The following CALN1 variants were observed in gnomAD, a reference collection of about 807,000 sequenced individuals.
The protein encoded by CALN1 is calcium-binding protein 8.
Under a neutral mutation model 30.6 loss-of-function variants are expected in CALN1, and 17 were observed. The observed-to-expected ratio is 0.56, with a 90% CI of 0.38 to 0.83. CALN1 has a LOEUF of 0.83. Among genes scored for constraint, CALN1 ranks in the 40% least tolerant of loss-of-function variants. The probability of loss-of-function intolerance (pLI) is 0.00; values close to 1 mark genes in which losing one functional copy is unlikely to be tolerated. For synonymous variants in CALN1, 156 were observed against 131.4 expected (o/e 1.19, Z -1.28); for missense variants, 291 against 354.9 (o/e 0.82, Z 1.45).
intron 5 of CALN1, among the ~76,000 whole-genome samples, chr7:71,903,066 AAG>A (rs1354609870): frequency 6.6e-5 from 10 of 151,968 alleles, no homozygotes; most frequent in Admixed American, 3.3e-4. Flanking sequence ...TTTTTAAAAA[AAG>A]TAAAAAAATT....
chr7:72,367,838 A>C (rs1218335785), intron 2 of CALN1, among the ~76,000 whole-genome samples: 2 of 152,016 alleles, frequency 1.3e-5, no homozygotes, highest in East Asian at 3.9e-4. Context: ...TTGTCTGTTA[A>C]AAATATATAT....
chr7:71,928,700 T>C (rs1177001658), intron 5 of CALN1, among the ~76,000 whole-genome samples: 1 of 152,056 alleles, frequency 6.6e-6, no homozygotes, highest in East Asian at 1.9e-4. Context: ...AACAACAGAT[T>C]CTACAACTGA....
At chr7:71,958,739 A>C (rs1460231900) in intron 5 of CALN1, among the ~76,000 whole-genome samples, 2 of 152,214 alleles carry the variant, frequency 1.3e-5, no homozygotes, top group East Asian at 1.9e-4. Flanking sequence ...GGTGCTAGCC[A>C]CATTATGTGG....
At chr7:71,927,063 T>C (rs998341848) in intron 5 of CALN1, among the ~76,000 whole-genome samples, 2 of 152,220 alleles carry the variant, frequency 1.3e-5, no homozygotes, top group Non-Finnish European at 2.9e-5. Context: ...TTATTGCACA[T>C]GAACACTGTG....
intron 5 of CALN1, among the ~76,000 whole-genome samples, chr7:71,940,818 G>T (rs1345893885): frequency 6.6e-6 from 1 of 151,976 alleles, no homozygotes; most frequent in Non-Finnish European, 1.5e-5. Context: ...TTGCCATGGT[G>T]CCCAGGCTGA....
intron 3 of CALN1, among the ~76,000 whole-genome samples, chr7:72,149,794 G>A (rs781413520): frequency 3.9e-5 from 6 of 152,042 alleles, no homozygotes. Flanking sequence ...GAAAGGACCT[G>A]GTCACTAACA....
intron 1 of CALN1, among the ~76,000 whole-genome samples, chr7:72,430,749 G>A (rs1807947145): frequency 1.3e-5 from 2 of 152,100 alleles, no homozygotes; most frequent in South Asian, 4.1e-4. Flanking sequence ...ATGGTATCCT[G>A]TTCCGGAAGG....
intron 2 of CALN1, among the ~76,000 whole-genome samples, chr7:72,320,786 G>C (rs1200208431): frequency 2.3e-5 from 3 of 130,900 alleles, no homozygotes; most frequent in Non-Finnish European, 3.1e-5. Context: ...AGTGAGCCGA[G>C]ACCACACCAC....
At chr7:71,867,240 T>C (rs1791640619) in intron 5 of CALN1, among the ~76,000 whole-genome samples, 1 of 151,826 alleles carries the variant, frequency 6.6e-6, no homozygotes, top group Admixed American at 6.6e-5. Context: ...AGCTATATTA[T>C]ACACCAGAAG....
At chr7:72,312,971 A>G (rs893900311) in intron 2 of CALN1, among the ~76,000 whole-genome samples, 1 of 152,074 alleles carries the variant, frequency 6.6e-6, no homozygotes, top group African/African-American at 2.4e-5. Context: ...AGTAGCTGGG[A>G]CTACAGGCAT....
At chr7:72,190,167 C>G (rs1158362470) in intron 3 of CALN1, among the ~76,000 whole-genome samples, 2 of 152,098 alleles carry the variant, frequency 1.3e-5, no homozygotes, top group African/African-American at 4.8e-5. Flanking sequence ...ATCAGCCTGG[C>G]CAACATGGCA....
chr7:71,832,700 A>G (rs1307124539), intron 5 of CALN1, among the ~76,000 whole-genome samples: 1 of 152,016 alleles, frequency 6.6e-6, no homozygotes, highest in Non-Finnish European at 1.5e-5. Flanking sequence ...TCCCAGGCTT[A>G]AGTGATCCTC....
At chr7:71,870,966 T>G (rs761796619) in intron 5 of CALN1, among the ~76,000 whole-genome samples, 1 of 152,114 alleles carries the variant, frequency 6.6e-6, no homozygotes, top group Non-Finnish European at 1.5e-5. Flanking sequence ...TTCTACATAT[T>G]CAGTTTCTCC....
intron 4 of CALN1, among the ~76,000 whole-genome samples, chr7:72,056,740 A>T (rs1185295026): frequency 6.6e-6 from 1 of 152,244 alleles, no homozygotes. Context: ...AAAGAATAGC[A>T]TTCTTCAAAT....
chr7:72,256,758 G>C (rs531647512), intron 3 of CALN1, among the ~76,000 whole-genome samples: 2 of 152,158 alleles, frequency 1.3e-5, no homozygotes, highest in South Asian at 2.1e-4. Flanking sequence ...AGGCATGCAT[G>C]ACCATGCCTG....
At chr7:72,302,620 G>T (rs1420820375) in intron 2 of CALN1, among the ~76,000 whole-genome samples, 1 of 152,016 alleles carries the variant, frequency 6.6e-6, no homozygotes, top group African/African-American at 2.4e-5. Flanking sequence ...CAGGATGAGC[G>T]CAGTGGCTCA....
intron 5 of CALN1, among the ~76,000 whole-genome samples, chr7:71,980,397 G>C (rs1452379887): frequency 6.6e-6 from 1 of 151,876 alleles, no homozygotes; most frequent in East Asian, 1.9e-4. Flanking sequence ...ATGTTGGCCA[G>C]GCTGGTCTCA....
At chr7:72,364,527 T>C (rs1235866257) in intron 2 of CALN1, among the ~76,000 whole-genome samples, 1 of 152,184 alleles carries the variant, frequency 6.6e-6, no homozygotes, top group African/African-American at 2.4e-5. Context: ...CTCTCTCTCT[T>C]TTAACTAATA....
intron 4 of CALN1, among the ~76,000 whole-genome samples, chr7:72,105,028 T>C (rs1428805006): frequency 2.7e-5 from 4 of 150,902 alleles, no homozygotes; most frequent in East Asian, 3.9e-4. Flanking sequence ...AAAATAGACC[T>C]GTCATGAAAA....
Sources: gnomAD v4.1 joint callset for allele counts (sites outside exome capture counted in the v4.1 genomes callset) on GRCh38, gnomAD v4.1.1 for gene constraint, MANE v1.5 for transcripts, NCBI Gene and HGNC (gene_info 2026-07-23, HGNC 2026-07-21) for gene names.